FERMT2: variants seen among roughly 807,000 people sequenced by gnomAD.
FERMT2 encodes the protein fermitin family homolog 2.
FERMT2 carries 15 observed loss-of-function variants against 82.7 expected under a neutral mutation model. The observed-to-expected ratio is 0.18, with a 90% CI of 0.12 to 0.28. FERMT2 has a LOEUF of 0.28. Ranked by LOEUF, FERMT2 falls within the 10% of genes least tolerant of loss-of-function variation. The pLI, the probability that FERMT2 is intolerant of heterozygous loss-of-function variation, is 1.00. For missense variants in FERMT2, 645 were observed against 809.4 expected (o/e 0.80, Z 2.46); for synonymous variants, 274 against 271.5 (o/e 1.01, Z -0.09).
chr14:52,893,209 T>A, intron 4 of FERMT2, 84 bp downstream of exon 4: 2 of 1,280,750 alleles, frequency 1.6e-6, no homozygotes, highest in Non-Finnish European at 2.1e-6. Flanking sequence ...CTGACCTACA[T>A]GATCCATTTA....
chr14:52,874,026 C>T, intron 9 of FERMT2, 151 bp downstream of exon 9: 3 of 414,736 alleles, frequency 7.2e-6, no homozygotes, highest in Non-Finnish European at 8.8e-6. Flanking sequence ...TGGTTATTTT[C>T]TCTCGTGGTA....
At chr14:52,920,269 G>A (rs901825067) in intron 2 of FERMT2, among the ~76,000 whole-genome samples, 5 of 152,088 alleles carry the variant, frequency 3.3e-5, no homozygotes, top group African/African-American at 9.7e-5. Flanking sequence ...TCAACTGTAT[G>A]TTAAACTTAC....
At chr14:52,950,610 G>A (rs374519134) in intron 1 of FERMT2, 33 bp from the exon 2 acceptor site, 1 of 1,602,636 alleles carries the variant, frequency 6.2e-7, no homozygotes, top group Non-Finnish European at 8.5e-7. Flanking sequence ...TCTCGTAAGC[G>A]TCACTCCCCC....
intron 10 of FERMT2, among the ~76,000 whole-genome samples, chr14:52,866,596 A>G (rs1885295333): frequency 1.3e-5 from 2 of 152,194 alleles, no homozygotes; most frequent in African/African-American, 4.8e-5. Flanking sequence ...GAAGCAAGAA[A>G]AAAAGGTTTC....
chr14:52,858,662 T>G, intron 14 of FERMT2, 112 bp from the exon 15 acceptor site: 2 of 918,288 alleles, frequency 2.2e-6, no homozygotes, highest in Admixed American at 2.5e-5. Flanking sequence ...TTGTTGATCC[T>G]CAAATGATCA....
At chr14:52,940,857 C>T (rs1112777) in intron 2 of FERMT2, among the ~76,000 whole-genome samples, 44,409 of 152,016 alleles carry the variant, frequency 0.29, 6,755 homozygotes, top group Admixed American at 0.35. Context: ...GTAGACCTGA[C>T]AGCAACTGGA....
intron 3 of FERMT2, among the ~76,000 whole-genome samples, chr14:52,895,350 CTAGT>C (rs1887198491): frequency 6.6e-6 from 1 of 152,176 alleles, no homozygotes; most frequent in Admixed American, 6.5e-5. Context: ...CATTCTACCC[CTAGT>C]TATTTACCCA....
At chr14:52,910,661 A>C (rs576278111) in intron 3 of FERMT2, among the ~76,000 whole-genome samples, 66 of 152,340 alleles carry the variant, frequency 4.3e-4, no homozygotes, top group African/African-American at 1.6e-3. Context: ...TAAATTATAA[A>C]AGAAAGATAA....
intron 3 of FERMT2, among the ~76,000 whole-genome samples, chr14:52,903,658 A>AT (rs1016034068): frequency 6.6e-6 from 1 of 152,196 alleles, no homozygotes; most frequent in Non-Finnish European, 1.5e-5. Flanking sequence ...GAGAAAAATA[A>AT]TTTTTGATCC....
chr14:52,874,120 C>T, intron 9 of FERMT2, 57 bp downstream of exon 9: 2 of 1,132,880 alleles, frequency 1.8e-6, no homozygotes, highest in Non-Finnish European at 1.3e-6. Flanking sequence ...AATAATGTGA[C>T]CATGACTATA....
chr14:52,936,656 C>T (rs754768747), intron 2 of FERMT2, among the ~76,000 whole-genome samples: 32 of 152,138 alleles, frequency 2.1e-4, no homozygotes, highest in Non-Finnish European at 4.1e-4. Flanking sequence ...CTCTTCCCAG[C>T]CTGTTGTTCT....
At chr14:52,930,659 C>A (rs938150009) in intron 2 of FERMT2, among the ~76,000 whole-genome samples, 3 of 152,126 alleles carry the variant, frequency 2.0e-5, no homozygotes, top group African/African-American at 7.2e-5. Flanking sequence ...TCCAGTTTCC[C>A]AGATACAATT....
At chr14:52,892,687 A>G (rs1219027121) in intron 4 of FERMT2, among the ~76,000 whole-genome samples, 1 of 147,636 alleles carries the variant, frequency 6.8e-6, no homozygotes, top group East Asian at 2.1e-4. Flanking sequence ...TCGCTCTCTG[A>G]CCTCGTGATC....
Position 52,939,261 on chromosome 14 carries a change from T to TG in FERMT2, c.157+11150_157+11151insC, listed in dbSNP as rs1889985926. ...GGTGGTGCGTGCCTGTAATCCCAGC[T>TG]ACTCAGGAGGCTGGGGCACTAGAAT... is the stretch of plus-strand genomic sequence containing the variant. On this transcript the variant is annotated intron_variant, in intron 2 of 14. Transcript: ENST00000341590. 2.7e-5 allele frequency among the ~76,000 whole-genome samples: 4 copies of TG among 147,736 alleles called. No individual in the cohort carries two copies. In the South Asian group the frequency reaches 8.7e-4, roughly 32 times the overall value.
At chr14:52,868,876 T>C (rs935065343) in intron 10 of FERMT2, among the ~76,000 whole-genome samples, 3 of 152,212 alleles carry the variant, frequency 2.0e-5, no homozygotes, top group African/African-American at 7.2e-5. Flanking sequence ...CATTTGATTC[T>C]TGGTCAAGGT....
chr14:52,907,906 A>G (rs1888108559), intron 3 of FERMT2, among the ~76,000 whole-genome samples: 1 of 152,238 alleles, frequency 6.6e-6, no homozygotes, highest in South Asian at 2.1e-4. Context: ...AACACTGTTA[A>G]TGAAATGGTA....
chr14:52,903,005 G>A (rs896006161), intron 3 of FERMT2, among the ~76,000 whole-genome samples: 5 of 146,150 alleles, frequency 3.4e-5, no homozygotes, highest in African/African-American at 1.3e-4. Flanking sequence ...CAGTAACAGC[G>A]AGAACAGAGA....
At chr14:52,892,929 CATG>C (rs769313109) in intron 4 of FERMT2, among the ~76,000 whole-genome samples, 17 of 152,206 alleles carry the variant, frequency 1.1e-4, no homozygotes, top group Non-Finnish European at 2.2e-4. Flanking sequence ...TAACACCTGA[CATG>C]ATGATTTGCA....
chr14:52,863,553 C>T (rs1594925520), intron 12 of FERMT2: 1 of 152,084 alleles, frequency 6.6e-6, no homozygotes, highest in Admixed American at 6.5e-5. Flanking sequence ...TACCAAAGAA[C>T]CATTTTCCTA....
Sources: allele counts gnomAD v4.1 joint callset (sites outside exome capture counted in the v4.1 genomes callset), GRCh38; gene constraint gnomAD v4.1.1; transcripts MANE v1.5; gene names NCBI Gene and HGNC (gene_info 2026-07-23, HGNC 2026-07-21).